LMNTD1: variants seen among roughly 807,000 people sequenced by gnomAD.
LMNTD1 encodes lamin tail domain containing 1.
In LMNTD1, 35 loss-of-function variants were observed where a neutral mutation model predicts 50.9. That is an observed-to-expected ratio of 0.69 (90% CI 0.53 to 0.91). The LOEUF (loss-of-function observed/expected upper bound fraction) is 0.91, where lower values mean the gene tolerates loss of function less well. Among genes scored for constraint, LMNTD1 ranks in the 40% least tolerant of loss-of-function variants. The pLI, the probability that LMNTD1 is intolerant of heterozygous loss-of-function variation, is 0.00. For synonymous variants in LMNTD1, 153 were observed against 161.9 expected (o/e 0.94, Z 0.42); for missense variants, 470 against 475.5 (o/e 0.99, Z 0.11).
intron 9 of LMNTD1, among the ~76,000 whole-genome samples, chr12:25,494,229 C>CTGA (rs1350264627): frequency 1.1e-4 from 16 of 152,308 alleles, no homozygotes; most frequent in Non-Finnish European, 2.2e-4. Flanking sequence ...AGTTTTATTA[C>CTGA]TGACCTTTGC....
At chr12:25,547,182 AT>A (rs140031319) in intron 3 of LMNTD1, 113,084 of 959,108 alleles carry the variant, frequency 0.12, 7,112 homozygotes, top group East Asian at 0.19. Context: ...ATAAAGAGCC[AT>A]TCTGGACAAA....
intron 8 of LMNTD1, among the ~76,000 whole-genome samples, chr12:25,512,510 C>G (rs1260565142): frequency 6.6e-6 from 1 of 151,212 alleles, no homozygotes; most frequent in Non-Finnish European, 1.5e-5. Flanking sequence ...TTGTTCTTTA[C>G]GTATTTTATA....
At chr12:25,587,370 T>C (rs1195829537) in intron 1 of LMNTD1, among the ~76,000 whole-genome samples, 1 of 152,234 alleles carries the variant, frequency 6.6e-6, no homozygotes, top group Non-Finnish European at 1.5e-5. Flanking sequence ...CAGTATCTGC[T>C]CTGCTTCCAG....
chr12:25,527,426 C>A (rs1565974914), intron 4 of LMNTD1, among the ~76,000 whole-genome samples: 1 of 150,804 alleles, frequency 6.6e-6, no homozygotes, highest in African/African-American at 2.4e-5. Context: ...TGTTTTTCAC[C>A]TTTTAACTTG....
At chr12:25,584,113 G>A (rs1351868968) in intron 1 of LMNTD1, among the ~76,000 whole-genome samples, 1 of 152,162 alleles carries the variant, frequency 6.6e-6, no homozygotes, top group Non-Finnish European at 1.5e-5. Context: ...GATTAGATAG[G>A]AAGTGTAAGA....
In LMNTD1 at chr12:25,559,266, A is replaced by G. The variant is rs532084658; in HGVS notation, c.59-12712T>C. ...TGTGTCCGAGTGTTCTCATTGTTCA[A>G]TTCCCACCTATGAGTGAGAACATGG... On this transcript the variant is annotated intron_variant, in intron 1 of 7. Coordinates refer to the LMNTD1 transcript ENST00000445693. Among the ~76,000 whole-genome samples the G allele has an allele frequency of 4.6e-5, 7 of 152,066 alleles. No individual in the cohort carries two copies. The East Asian group carries it at 7.7e-4, about 17-fold the overall frequency.
chr12:25,560,543 T>G (rs942862276), intron 1 of LMNTD1, among the ~76,000 whole-genome samples: 1 of 152,202 alleles, frequency 6.6e-6, no homozygotes, highest in Non-Finnish European at 1.5e-5. Context: ...TTTGGTTCCA[T>G]ATGAACTTTA....
rs148407305 is a variant in LMNTD1 at position 25,533,918 on chromosome 12, C to T, written c.492-6963G>A. ...GTGTTTATCATGATCTCAGTGAGGC[C>T]CATCTGAATCCAGAGCTTACTATCA... On this transcript the variant is annotated intron_variant, in intron 4 of 9. Transcript: ENST00000458174. Among the ~76,000 whole-genome samples the T allele has an allele frequency of 2.2e-3, 332 of 152,116 alleles. 1 individual carries two copies. The highest frequency in any genetic ancestry group is 7.7e-3 in the African/African-American group (321 of 41,508).
At chr12:25,570,417 G>A (rs1473242640) in intron 1 of LMNTD1, among the ~76,000 whole-genome samples, 1 of 152,180 alleles carries the variant, frequency 6.6e-6, no homozygotes, top group Non-Finnish European at 1.5e-5. Flanking sequence ...GTAGAGAACA[G>A]GAAGGAAAGC....
At chr12:25,579,397 A>C (rs1945179532) in intron 1 of LMNTD1, among the ~76,000 whole-genome samples, 1 of 152,168 alleles carries the variant, frequency 6.6e-6, no homozygotes, top group Admixed American at 6.6e-5. Flanking sequence ...TGTGTAGGTT[A>C]TATGCAAATA....
At chr12:25,536,534 T>A (rs879735599) in intron 4 of LMNTD1, among the ~76,000 whole-genome samples, 1 of 152,158 alleles carries the variant, frequency 6.6e-6, no homozygotes, top group Non-Finnish European at 1.5e-5. Context: ...TATTTTGAAC[T>A]GAATGAAAAT....
chr12:25,501,214 C>T (rs1295128355), intron 9 of LMNTD1, among the ~76,000 whole-genome samples: 1 of 152,116 alleles, frequency 6.6e-6, no homozygotes, highest in Non-Finnish European at 1.5e-5. Flanking sequence ...TGCCTTTGAA[C>T]TCCTGACCTC....
At chr12:25,484,808 T>A (rs986859524) in intron 9 of LMNTD1, among the ~76,000 whole-genome samples, 8 of 144,806 alleles carry the variant, frequency 5.5e-5, no homozygotes, top group Non-Finnish European at 1.2e-4. Flanking sequence ...TCCAATTTCA[T>A]CCATGTCCCT....
At chr12:25,640,151 G>T (rs958276978) in intron 1 of LMNTD1, among the ~76,000 whole-genome samples, 1 of 152,136 alleles carries the variant, frequency 6.6e-6, no homozygotes, top group Admixed American at 6.5e-5. Context: ...GACTTGGGGG[G>T]AGAGGAGTGG....
chr12:25,612,065 T>C (rs1946256617), intron 1 of LMNTD1, among the ~76,000 whole-genome samples: 2 of 152,188 alleles, frequency 1.3e-5, no homozygotes, highest in South Asian at 4.1e-4. Flanking sequence ...TTTAACATAA[T>C]TGTACCTATT....
chr12:25,551,152 C>T (rs530641082), intron 2 of LMNTD1, among the ~76,000 whole-genome samples: 2 of 152,174 alleles, frequency 1.3e-5, no homozygotes, highest in Non-Finnish European at 2.9e-5. Flanking sequence ...CAGAGAAATG[C>T]TTTTCTCTTT....
chr12:25,518,801 C>T lies in LMNTD1; in HGVS notation c.1183G>A (p.Ala395Thr). 6.2e-7 allele frequency: 1 copy of T among 1,614,008 alleles called. No homozygotes were observed. The highest frequency in any genetic ancestry group is 1.3e-5 in the African/African-American group (1 of 75,034). The change falls in exon 8 of 10, where the codon GCC becomes ACC. Residue 395 changes from alanine to threonine, a missense_variant. Coordinates refer to ENST00000458174, the MANE Select transcript of LMNTD1 (RefSeq NM_001145728.2). ...AAGCACTCTTTTAACTGACCTGAGG[C>T]TCGATTAGGTCTGGTTGACCGAGTC... Reference protein sequence around the residue: ...PRTRSTRPNRASGSKKKKTSE... With the variant: ...PRTRSTRPNRTSGSKKKKTSE...
intron 9 of LMNTD1, among the ~76,000 whole-genome samples, chr12:25,478,543 G>A (rs2135901434): frequency 6.6e-6 from 1 of 152,286 alleles, no homozygotes; most frequent in East Asian, 1.9e-4. Flanking sequence ...CTAGCACTTT[G>A]GGAAGCCGAG....
At chr12:25,484,995 T>C (rs1385035049) in intron 9 of LMNTD1, among the ~76,000 whole-genome samples, 1 of 152,078 alleles carries the variant, frequency 6.6e-6, no homozygotes, top group Non-Finnish European at 1.5e-5. Flanking sequence ...AGCTGCATGA[T>C]TTATAGTCCT....
Sources: gnomAD v4.1 joint callset for allele counts (sites outside exome capture counted in the v4.1 genomes callset) on GRCh38, gnomAD v4.1.1 for gene constraint, MANE v1.5 for transcripts, NCBI Gene and HGNC (gene_info 2026-07-23, HGNC 2026-07-21) for gene names.